The following FHIT variants were observed in gnomAD, a reference collection of about 807,000 sequenced individuals.
FHIT encodes the protein bis(5'-adenosyl)-triphosphatase.
FHIT carries 19 observed loss-of-function variants against 17.9 expected under a neutral mutation model. The observed-to-expected ratio is 1.06, with a 90% CI of 0.74 to 1.56. The LOEUF is 1.56. Among genes scored for constraint, FHIT ranks in the 40% most tolerant of loss-of-function variants. FHIT has a pLI of 0.00. For missense variants in FHIT, 248 were observed against 189.2 expected, an observed-to-expected ratio of 1.31 and a Z score of -1.82; for synonymous variants, 81 against 69.7, an observed-to-expected ratio of 1.16 and a Z score of -0.81.
intron 5 of FHIT, among the ~76,000 whole-genome samples, chr3:60,429,015 T>A (rs370958404): frequency 7.9e-5 from 12 of 152,068 alleles, no homozygotes; most frequent in African/African-American, 2.7e-4. Flanking sequence ...CAGCTGAAAA[T>A]CTCTCTATAT....
At chr3:61,036,317 C>T (rs80264340) in intron 3 of FHIT, among the ~76,000 whole-genome samples, 22 of 150,806 alleles carry the variant, frequency 1.5e-4, no homozygotes, top group African/African-American at 3.5e-4. Flanking sequence ...AGGGATCAGC[C>T]CCCCCTGATC....
intron 4 of FHIT, among the ~76,000 whole-genome samples, chr3:60,703,584 T>A (rs1311909642): frequency 1.1e-4 from 16 of 152,196 alleles, no homozygotes; most frequent in African/African-American, 3.9e-4. Flanking sequence ...TACTTCCACA[T>A]ATGAAAATGA....
chr3:61,195,041 C>G (rs1393806342), intron 2 of FHIT, among the ~76,000 whole-genome samples: 1 of 151,592 alleles, frequency 6.6e-6, no homozygotes, highest in Non-Finnish European at 1.5e-5. Context: ...AAGTGGAAAT[C>G]AAACAGAACA....
intron 8 of FHIT, among the ~76,000 whole-genome samples, chr3:59,889,969 T>A (rs1163331529): frequency 6.6e-6 from 1 of 152,236 alleles, no homozygotes; most frequent in African/African-American, 2.4e-5. Flanking sequence ...CTCTTTCATG[T>A]GAAAACTTTC....
intron 5 of FHIT, among the ~76,000 whole-genome samples, chr3:60,063,371 T>C (rs1353835605): frequency 6.6e-6 from 1 of 152,166 alleles, no homozygotes; most frequent in Non-Finnish European, 1.5e-5. Flanking sequence ...TCCAGATACA[T>C]CACCATAGCA....
intron 3 of FHIT, among the ~76,000 whole-genome samples, chr3:60,839,229 C>A: frequency 6.6e-6 from 1 of 152,088 alleles, no homozygotes; most frequent in Admixed American, 6.5e-5. Context: ...TTTAAAGTAG[C>A]TTTTCCATGA....
intron 4 of FHIT, among the ~76,000 whole-genome samples, chr3:60,759,662 T>A (rs535984981): frequency 1.3e-5 from 2 of 152,144 alleles, no homozygotes; most frequent in East Asian, 1.9e-4. Context: ...AAAAAAAGTA[T>A]GTCACGAAGG....
chr3:59,847,111 C>T (rs1254787038), intron 8 of FHIT, among the ~76,000 whole-genome samples: 1 of 152,092 alleles, frequency 6.6e-6, no homozygotes, highest in Non-Finnish European at 1.5e-5. Context: ...TGTTCATATT[C>T]ATGTCATTCA....
intron 2 of FHIT, among the ~76,000 whole-genome samples, chr3:61,166,084 A>C (rs1236954215): frequency 6.6e-6 from 1 of 152,180 alleles, no homozygotes; most frequent in Non-Finnish European, 1.5e-5. Flanking sequence ...GGAGGAATCC[A>C]AATTTGTGCA....
intron 5 of FHIT, among the ~76,000 whole-genome samples, chr3:60,171,112 T>A (rs1433671629): frequency 2.0e-5 from 3 of 152,206 alleles, no homozygotes; most frequent in Non-Finnish European, 4.4e-5. Flanking sequence ...GTCAAAATAT[T>A]TCTATCTTTT....
At chr3:60,131,058 C>CACAT (rs1699568830) in intron 5 of FHIT, among the ~76,000 whole-genome samples, 1 of 34,354 alleles carries the variant, frequency 2.9e-5, no homozygotes, top group Non-Finnish European at 5.7e-5. Flanking sequence ...TATATACATA[C>CACAT]ATACACATGT....
intron 2 of FHIT, among the ~76,000 whole-genome samples, chr3:61,107,936 G>A (rs1039893843): frequency 9.2e-5 from 14 of 152,156 alleles, no homozygotes; most frequent in African/African-American, 3.4e-4. Flanking sequence ...TTGGCACAAG[G>A]GTAGGCTATG....
chr3:60,461,367 T>C (rs1368458932), intron 5 of FHIT, among the ~76,000 whole-genome samples: 3 of 152,186 alleles, frequency 2.0e-5, no homozygotes, highest in Admixed American at 6.5e-5. Context: ...TCTCCTTTTA[T>C]AGAAAGAGAC....
intron 5 of FHIT, among the ~76,000 whole-genome samples, chr3:60,154,530 C>T (rs1700598597): frequency 6.6e-6 from 1 of 152,120 alleles, no homozygotes; most frequent in Non-Finnish European, 1.5e-5. Context: ...GGTATATTGC[C>T]AACAAATCCA....
At chr3:60,109,920 A>G (rs1299751071) in intron 5 of FHIT, among the ~76,000 whole-genome samples, 2 of 152,128 alleles carry the variant, frequency 1.3e-5, no homozygotes, top group South Asian at 2.1e-4. Flanking sequence ...GTTAATAATA[A>G]TCCAAACTTG....
chr3:60,389,927 G>A (rs573057078), intron 5 of FHIT, among the ~76,000 whole-genome samples: 1 of 152,124 alleles, frequency 6.6e-6, no homozygotes, highest in South Asian at 2.1e-4. Flanking sequence ...TGGGGACTTA[G>A]AGGCAAGTGT....
At chr3:60,508,242 T>C (rs1336285442) in intron 5 of FHIT, among the ~76,000 whole-genome samples, 5 of 152,190 alleles carry the variant, frequency 3.3e-5, no homozygotes, top group African/African-American at 7.2e-5. Flanking sequence ...ATCAGCACTG[T>C]GAATACAGTA....
intron 5 of FHIT, among the ~76,000 whole-genome samples, chr3:60,061,008 G>T (rs2106925755): frequency 6.6e-6 from 1 of 152,318 alleles, no homozygotes; most frequent in Admixed American, 6.5e-5. Context: ...TATAGTGGTG[G>T]AAATCAAGCA....
chr3:60,204,579 C>A (rs1440713907), intron 5 of FHIT, among the ~76,000 whole-genome samples: 1 of 148,920 alleles, frequency 6.7e-6, no homozygotes, highest in Non-Finnish European at 1.5e-5. Flanking sequence ...GGGTGAGCCA[C>A]CCTTCCCAGC....
Sources: gnomAD v4.1 joint callset for allele counts (sites outside exome capture counted in the v4.1 genomes callset) on GRCh38, gnomAD v4.1.1 for gene constraint, MANE v1.5 for transcripts, NCBI Gene and HGNC (gene_info 2026-07-23, HGNC 2026-07-21) for gene names.